HNRNPA2B1: variants seen among roughly 807,000 people sequenced by gnomAD.
HNRNPA2B1 encodes heterogeneous nuclear ribonucleoprotein A2/B1, also known as heterogeneous nuclear ribonucleoproteins A2/B1.
A neutral mutation model predicts 46.3 loss-of-function variants in HNRNPA2B1; 3 were observed. The observed-to-expected ratio is 0.06, with a 90% confidence interval of 0.03 to 0.17. The LOEUF (loss-of-function observed/expected upper bound fraction) is 0.17. Among genes scored for constraint, HNRNPA2B1 ranks in the 10% least tolerant of loss-of-function variants. HNRNPA2B1 has a pLI of 1.00. For missense variants in HNRNPA2B1, 221 were observed against 418.9 expected (o/e 0.53, Z 4.12); for synonymous variants, 225 against 133.8 (o/e 1.68, Z -4.70).
chr7:26,194,798 TAA>T (rs200966644), intron 7 of HNRNPA2B1, among the ~76,000 whole-genome samples: 132 of 118,234 alleles, frequency 1.1e-3, no homozygotes, highest in African/African-American at 3.9e-3. Context: ...AAAACAAAAA[TAA>T]AAAAAAAAAA....
At chr7:26,196,142 G>A (rs548215069) in intron 6 of HNRNPA2B1, among the ~76,000 whole-genome samples, 2 of 152,170 alleles carry the variant, frequency 1.3e-5, no homozygotes, top group African/African-American at 2.4e-5. Context: ...TTATACGTAA[G>A]AATGACACTT....
rs576659684 is a variant in HNRNPA2B1, at chr7:26,194,532, C to T, written c.722-838G>A. ...AGGGCAACACAGCAAAACCCCCACA[C>T]CTCTACAAAAAAACACAAAATTAGC... On this transcript the variant is annotated intron_variant, in intron 7 of 10. Coordinates refer to ENST00000618183, the MANE Select transcript of HNRNPA2B1 (RefSeq NM_002137.4). 1.0e-4 allele frequency among the ~76,000 whole-genome samples: 14 copies of T among 139,282 alleles called. No homozygotes were observed. The South Asian group carries it at 3.1e-3, about 31-fold the overall frequency. 91.4% of individuals were successfully genotyped at this position (139,282 alleles called of 152,430 possible). A position where few individuals can be genotyped will look rare whatever the true frequency, so the allele number is the denominator to read the frequency against.
intron 7 of HNRNPA2B1, 74 bp from the exon 8 acceptor site, chr7:26,193,768 T>G: frequency 8.1e-7 from 1 of 1,238,696 alleles, no homozygotes; most frequent in Non-Finnish European, 1.2e-6. Flanking sequence ...TCACATCCAT[T>G]TCCAGCTTTC....
chr7:26,200,623 TGA>T lies in HNRNPA2B1; in HGVS notation c.-48_-47del, dbSNP rs1784327114. ...CCCGATTTCCCGCAGCCGAGCGAGA[TGA>T]GAGAGATCTCCGCGGACGAACACGA... On this transcript the variant is annotated 5_prime_UTR_variant, in exon 1 of 11. Coordinates refer to ENST00000618183, the MANE Select transcript of HNRNPA2B1 (RefSeq NM_002137.4). 1.2e-6 allele frequency: 2 copies of T among 1,613,218 alleles called. No homozygotes were observed. The highest frequency in any genetic ancestry group is 1.7e-6 in the Non-Finnish European group (2 of 1,179,852).
chr7:26,191,440 A>G lies in HNRNPA2B1; in HGVS notation c.*920T>C, dbSNP rs1782913040. On this transcript the variant is annotated 3_prime_UTR_variant, in exon 11 of 11. Coordinates refer to ENST00000618183, the MANE Select transcript of HNRNPA2B1 (RefSeq NM_002137.4). ...ATCTTACCTAAAGAAGTTTAACTGA[A>G]GCTTAGAACTATTTTGCTCTACACC... is the stretch of plus-strand genomic sequence containing the variant. 6.6e-6 allele frequency: 1 copy of G among 152,172 alleles called. No homozygotes were observed. Among genetic ancestry groups the G allele is most frequent in the African/African-American group, 2.4e-5 (1 of 41,442 alleles). The allele number at this position is 152,172 out of a possible 1,614,324, so 9.4% of individuals were successfully genotyped here. A position where few individuals can be genotyped will look rare whatever the true frequency, so the allele number is the denominator to read the frequency against.
chr7:26,193,821 G>C (rs1318462978), intron 7 of HNRNPA2B1, 127 bp from the exon 8 acceptor site: 7 of 840,466 alleles, frequency 8.3e-6, no homozygotes, highest in Non-Finnish European at 1.3e-5. Flanking sequence ...CTCTAAAATA[G>C]CTTCAAGGAC....
rs1322088952 is a variant in HNRNPA2B1 at position 26,192,088 on chromosome 7, C to T, written c.*272G>A. The T allele has an allele frequency of 6.4e-6, 1 of 155,998 alleles. No homozygotes were observed. Among genetic ancestry groups the T allele is most frequent in the Non-Finnish European group, 1.4e-5 (1 of 70,244 alleles). The allele number at this position is 155,998 out of a possible 1,614,324, so 9.7% of individuals were successfully genotyped here. On this transcript the variant is annotated 3_prime_UTR_variant, in exon 11 of 11. Transcript: ENST00000618183. ...TACAAAGACCACTAGAAAGAAACAA[C>T]AATTAAAAAGCTAAGAAACTGTCTC...
At chr7:26,195,148 G>C (rs936961403) in intron 7 of HNRNPA2B1, among the ~76,000 whole-genome samples, 1 of 142,448 alleles carries the variant, frequency 7.0e-6, no homozygotes, top group Non-Finnish European at 1.5e-5. Context: ...CTTGTGGGCT[G>C]AGTCTCTAAC....
In HNRNPA2B1 at chr7:26,197,345, T is replaced by C. The variant is rs747275893; in HGVS notation, c.234A>G (p.Val78=). Residue 78 remains valine (V), a synonymous_variant, in exon 3 of 11, where the codon GTA becomes GTG. Transcript: ENST00000618183. ...TTGCTACAGCACGTTTTGGCTCAAC[T>C]ACTCTCCCATCAATTGAATGAGGTC... The part of the protein sequence containing the change: ...AARPHSIDGR[V]VEPKRAVARE... 15 of 1,613,704 alleles carry C rather than the reference T, an allele frequency of 9.3e-6. No individual in the cohort carries two copies. The South Asian group carries it at 1.6e-4, about 18-fold the overall frequency.
chr7:26,193,253 C>T lies in HNRNPA2B1; in HGVS notation c.962G>A (p.Gly321Glu). 6.2e-7 allele frequency: 1 copy of T among 1,610,828 alleles called. No individual in the cohort carries two copies. Among genetic ancestry groups the T allele is most frequent in the Non-Finnish European group, 8.5e-7 (1 of 1,178,986 alleles). Residue 321 changes from glycine (G) to glutamate (E), a missense_variant and splice_region_variant, in exon 9 of 11, where the codon GGA becomes GAA. Coordinates refer to ENST00000618183, the MANE Select transcript of HNRNPA2B1 (RefSeq NM_002137.4). ...TAACCTCAATTTTTATAAATTACCT[C>T]CACCATATGGTCCCCCCATGTTCCT... ...GSRNMGGPYG[G>E]GNYGPGGSGG...
At chr7:26,200,459 A>T in intron 1 of HNRNPA2B1, 113 bp downstream of exon 1, 1 of 1,053,686 alleles carries the variant, frequency 9.5e-7, no homozygotes, top group Non-Finnish European at 1.5e-6. Context: ...ACTGCTACTG[A>T]ATTGGTCCGA....
Position 26,193,705 on chromosome 7 carries a change from A to T in HNRNPA2B1, c.722-11T>A. ...CTCCAAAATTGCCACCTATTATAAA[A>T]TAAGCCTTTAAGTAATCACTTAATA... On this transcript the variant is annotated splice_polypyrimidine_tract_variant and intron_variant, in intron 7 of 10. Transcript: ENST00000618183. 2 of 1,608,414 alleles carry T rather than the reference A, an allele frequency of 1.2e-6. No homozygotes were observed. The highest frequency in any genetic ancestry group is 2.2e-5 in the South Asian group (2 of 90,608).
chr7:26,200,187 A>T (rs1054808175), intron 1 of HNRNPA2B1: 1 of 276,582 alleles, frequency 3.6e-6, no homozygotes, highest in Non-Finnish European at 7.0e-6. Flanking sequence ...GAAGCTCCGC[A>T]GCCTCGCTCA....
At chr7:26,197,534 T>A in intron 2 of HNRNPA2B1, 73 bp from the exon 3 acceptor site, 1 of 1,574,146 alleles carries the variant, frequency 6.4e-7, no homozygotes. Context: ...ATAGAATTTT[T>A]TACTATGCTG....
At chr7:26,196,353 A>C in intron 6 of HNRNPA2B1, 48 bp downstream of exon 6, 1 of 1,450,198 alleles carries the variant, frequency 6.9e-7, no homozygotes, top group Non-Finnish European at 9.5e-7. Flanking sequence ...AATCATATTT[A>C]AAATAAAAGC....
chr7:26,199,744 C>T (rs920713888), intron 1 of HNRNPA2B1: 7 of 152,116 alleles, frequency 4.6e-5, no homozygotes, highest in African/African-American at 1.7e-4. Flanking sequence ...CAGATAAAAC[C>T]GTTACTCAAA....
rs777185964 is a variant in HNRNPA2B1 at position 26,195,866 on chromosome 7, C to T, written c.702G>A (p.Gly234=). 4 of 1,610,836 alleles carry T rather than the reference C, an allele frequency of 2.5e-6. No individual in the cohort carries two copies. Among genetic ancestry groups the T allele is most frequent in the South Asian group, 1.1e-5 (1 of 90,374 alleles). Residue 234 remains glycine, a synonymous_variant, in exon 7 of 11, where the codon GGG becomes GGA. Transcript: ENST00000618183. The part of the protein sequence containing the change: ...SGRGFGDGYN[G]YGGGPGGGNF... ...ACTGACCTCCAGGTCCTCCTCCATA[C>T]CCATTATAGCCATCCCCAAATCCAC...
intron 7 of HNRNPA2B1, among the ~76,000 whole-genome samples, chr7:26,193,987 G>A (rs990508774): frequency 2.6e-5 from 4 of 152,172 alleles, no homozygotes; most frequent in African/African-American, 7.2e-5. Flanking sequence ...TTGTGGGTAA[G>A]GACTGTGAGG....
chr7:26,196,031 A>G, intron 6 of HNRNPA2B1, 122 bp from the exon 7 acceptor site: 1 of 1,310,180 alleles, frequency 7.6e-7, no homozygotes, highest in Admixed American at 3.3e-5. Context: ...AGGACACACC[A>G]GTGCTACCAG....
Sources: gnomAD v4.1 joint callset for allele counts (sites outside exome capture counted in the v4.1 genomes callset) on GRCh38, gnomAD v4.1.1 for gene constraint, MANE v1.5 for transcripts, NCBI Gene and HGNC (gene_info 2026-07-23, HGNC 2026-07-21) for gene names.